AGBL1: variants seen among roughly 807,000 people sequenced by gnomAD.
The protein encoded by AGBL1 is AGBL carboxypeptidase 1.
Under a neutral mutation model 118.9 loss-of-function variants are expected in AGBL1, and 130 were observed. That is an observed-to-expected ratio of 1.09 (90% confidence interval 0.95 to 1.26). The LOEUF is 1.26. AGBL1 is among the 50% of genes most tolerant of loss of function. The pLI is 0.00. For missense variants in AGBL1, 1,584 were observed against 1,298.1 expected, an observed-to-expected ratio of 1.22 and a Z score of -3.38; for synonymous variants, 555 against 478.9, an observed-to-expected ratio of 1.16 and a Z score of -2.08.
At chr15:86,865,544 A>G (rs563039678) in intron 22 of AGBL1, among the ~76,000 whole-genome samples, 1 of 152,326 alleles carries the variant, frequency 6.6e-6, no homozygotes, top group Admixed American at 6.5e-5. Context: ...GACAGTATAA[A>G]TAGTTTAAGC....
At chr15:86,568,231 T>G (rs1489907475) in intron 21 of AGBL1, among the ~76,000 whole-genome samples, 11 of 152,134 alleles carry the variant, frequency 7.2e-5, no homozygotes, top group Non-Finnish European at 1.3e-4. Flanking sequence ...TGAACAGTCT[T>G]CGTATGTGGA....
At chr15:86,181,313 A>G (rs1225474904) in intron 5 of AGBL1, among the ~76,000 whole-genome samples, 36 of 152,116 alleles carry the variant, frequency 2.4e-4, no homozygotes, top group Non-Finnish European at 8.8e-5. Flanking sequence ...TTTTCATACA[A>G]TAGAATATTG....
chr15:86,459,553 A>G (rs969318338), intron 18 of AGBL1, among the ~76,000 whole-genome samples: 1 of 152,164 alleles, frequency 6.6e-6, no homozygotes, highest in Non-Finnish European at 1.5e-5. Context: ...TTTGGGAATA[A>G]AAAACTTAAG....
intron 22 of AGBL1, among the ~76,000 whole-genome samples, chr15:86,793,298 C>T (rs1031159649): frequency 6.6e-6 from 1 of 152,068 alleles, no homozygotes; most frequent in African/African-American, 2.4e-5. Context: ...ACATATGAAC[C>T]AGTGAAATAG....
chr15:86,555,360 TG>T (rs2083719730), intron 21 of AGBL1, among the ~76,000 whole-genome samples: 1 of 152,210 alleles, frequency 6.6e-6, no homozygotes, highest in Non-Finnish European at 1.5e-5. Flanking sequence ...GATAGTCTCC[TG>T]GAACAGCTAG....
At chr15:86,655,385 C>G (rs924565917) in intron 21 of AGBL1, among the ~76,000 whole-genome samples, 2 of 152,174 alleles carry the variant, frequency 1.3e-5, no homozygotes, top group African/African-American at 2.4e-5. Flanking sequence ...CAATGATGTC[C>G]TAACTAGTAA....
intron 2 of AGBL1, among the ~76,000 whole-genome samples, chr15:86,142,996 T>C (rs115480446): frequency 6.6e-6 from 1 of 152,340 alleles, no homozygotes; most frequent in African/African-American, 2.4e-5. Context: ...AAGTCAACTT[T>C]GCCCCGTACA....
chr15:86,943,487 G>C (rs1343577917), intron 23 of AGBL1, among the ~76,000 whole-genome samples: 1 of 152,162 alleles, frequency 6.6e-6, no homozygotes, highest in South Asian at 2.1e-4. Context: ...TTTTACAGAC[G>C]ACCTTGAGGA....
chr15:86,827,929 G>A lies in AGBL1; in HGVS notation c.3159-79158G>A, dbSNP rs2079051917. On this transcript the variant is annotated intron_variant, in intron 22 of 22. Coordinates refer to ENST00000614907, the MANE Select transcript of AGBL1 (RefSeq NM_001386094.1). ...ACAATTAACATAGTCTCTGGCACTT[G>A]ATGTAGGGCTTTTTTTTTTTTTTTT... Among the ~76,000 whole-genome samples, 3 of 27,220 alleles carry A rather than the reference G, an allele frequency of 1.1e-4. 1 individual carries two copies. The highest frequency in any genetic ancestry group is 2.3e-3 in the South Asian group (2 of 866). 17.9% of individuals were successfully genotyped at this position (27,220 alleles called of 152,430 possible). A position where few individuals can be genotyped will look rare whatever the true frequency, so the allele number is the denominator to read the frequency against.
At chr15:86,822,005 A>G (rs1290302695) in intron 22 of AGBL1, among the ~76,000 whole-genome samples, 1 of 152,148 alleles carries the variant, frequency 6.6e-6, no homozygotes, top group Non-Finnish European at 1.5e-5. Flanking sequence ...TTCCTGAGAG[A>G]TACAGTGCCA....
chr15:86,643,277 T>A (rs1204690421), intron 21 of AGBL1, among the ~76,000 whole-genome samples: 1 of 152,200 alleles, frequency 6.6e-6, no homozygotes, highest in East Asian at 1.9e-4. Context: ...TGTTTATTGA[T>A]CAATTTAGGT....
intron 16 of AGBL1, among the ~76,000 whole-genome samples, chr15:86,293,683 A>G (rs2079585599): frequency 1.3e-5 from 2 of 152,178 alleles, no homozygotes; most frequent in Non-Finnish European, 2.9e-5. Context: ...TTCTTACCAT[A>G]TCTGTAGTAA....
intron 21 of AGBL1, among the ~76,000 whole-genome samples, chr15:86,582,405 T>C (rs1449816844): frequency 6.6e-6 from 1 of 152,088 alleles, no homozygotes; most frequent in Non-Finnish European, 1.5e-5. Context: ...ACACTGTTGG[T>C]GGGGCTATAA....
At chr15:86,891,433 G>A (rs2080050681) in intron 22 of AGBL1, among the ~76,000 whole-genome samples, 1 of 152,014 alleles carries the variant, frequency 6.6e-6, no homozygotes, top group Non-Finnish European at 1.5e-5. Context: ...ATCTGACATT[G>A]CACCATGTGT....
At chr15:86,855,900 C>T (rs1470035628) in intron 22 of AGBL1, among the ~76,000 whole-genome samples, 1 of 152,148 alleles carries the variant, frequency 6.6e-6, no homozygotes, top group East Asian at 1.9e-4. Flanking sequence ...TCTAGCAGCT[C>T]CTGATGAGAG....
chr15:87,030,207 T>G (rs1379486166), downstream of AGBL1, among the ~76,000 whole-genome samples: 1 of 151,942 alleles, frequency 6.6e-6, no homozygotes, highest in Admixed American at 6.6e-5. Flanking sequence ...TAGCACAATA[T>G]GCAAGGATTC....
chr15:87,002,667 G>C (rs1219650956), intron 24 of AGBL1, among the ~76,000 whole-genome samples: 1 of 152,148 alleles, frequency 6.6e-6, no homozygotes, highest in Admixed American at 6.6e-5. Context: ...GCAGTGGTTT[G>C]TAGTTCTCCT....
At chr15:86,947,921 A>C (rs117095344) in intron 23 of AGBL1, among the ~76,000 whole-genome samples, 2,263 of 152,346 alleles carry the variant, frequency 0.015, 18 homozygotes, top group Non-Finnish European at 0.025. Flanking sequence ...GATAACGGAC[A>C]TTAGGAGAAA....
chr15:86,719,393 G>A (rs2086683889), intron 22 of AGBL1, among the ~76,000 whole-genome samples: 1 of 152,010 alleles, frequency 6.6e-6, no homozygotes. Context: ...CTAAAGATGG[G>A]GTAGAGAAAA....
Sources: allele counts gnomAD v4.1 joint callset (sites outside exome capture counted in the v4.1 genomes callset), GRCh38; gene constraint gnomAD v4.1.1; transcripts MANE v1.5; gene names NCBI Gene and HGNC (gene_info 2026-07-23, HGNC 2026-07-21).